Variants in TPO observed in about 807,000 individuals in gnomAD.
TPO encodes the protein thyroid peroxidase, also known as thyroid microsomal antigen.
TPO carries 78 observed loss-of-function variants against 96.9 expected under a neutral mutation model. The ratio of observed to expected loss-of-function variants is 0.81; its 90% CI spans 0.67 to 0.97. TPO has a LOEUF of 0.97. Ranked by LOEUF, TPO falls within the 50% of genes least tolerant of loss-of-function variation. The probability of loss-of-function intolerance (pLI) is 0.00; values close to 1 mark genes in which losing one functional copy is unlikely to be tolerated. For missense variants in TPO, 1,252 were observed against 1,274.8 expected (o/e 0.98, Z 0.27); for synonymous variants, 547 against 538.0 (o/e 1.02, Z -0.23).
intron 5 of TPO, among the ~76,000 whole-genome samples, chr2:1,440,982 A>G (rs1167986648): frequency 3.4e-5 from 5 of 147,920 alleles, no homozygotes; most frequent in African/African-American, 1.3e-4. Context: ...TTGGAAGGGA[A>G]TAGGGCAGGG....
intron 16 of TPO, chr2:1,541,598 C>T (rs1348811401): frequency 6.6e-6 from 1 of 152,252 alleles, no homozygotes; most frequent in Admixed American, 6.5e-5. Context: ...CCCAAGAGAT[C>T]CTCCAGTCTG....
chr2:1,420,983 G>A (rs976052728), intron 2 of TPO, among the ~76,000 whole-genome samples: 9 of 152,020 alleles, frequency 5.9e-5, no homozygotes, highest in Admixed American at 4.6e-4. Context: ...AACAGAGGAG[G>A]ATGGCGTGAC....
chr2:1,403,320 G>C (rs1218739087), intron 1 of TPO, among the ~76,000 whole-genome samples: 8 of 152,164 alleles, frequency 5.3e-5, no homozygotes, highest in Admixed American at 5.2e-4. Flanking sequence ...GCTTGGGTCA[G>C]TCCCCTTGTC....
intron 14 of TPO, chr2:1,513,508 C>G (rs1020106941): frequency 2.0e-5 from 3 of 152,246 alleles, no homozygotes; most frequent in Non-Finnish European, 4.4e-5. Flanking sequence ...GGAGCTCACA[C>G]TCCCCTGGCC....
At chr2:1,532,648 AC>A (rs1185850278) in intron 15 of TPO, among the ~76,000 whole-genome samples, 6 of 40,080 alleles carry the variant, frequency 1.5e-4, no homozygotes, top group African/African-American at 7.0e-4. Context: ...ACCTCCCCAA[AC>A]CCCCCCAACT....
chr2:1,438,807 G>A (rs1192022262), intron 5 of TPO: 7 of 700,424 alleles, frequency 1.0e-5, no homozygotes, highest in Admixed American at 6.5e-5. Flanking sequence ...GCAAATGCCT[G>A]GATTAAAGAA....
intron 3 of TPO, among the ~76,000 whole-genome samples, chr2:1,433,119 G>A (rs1665192033): frequency 6.6e-6 from 1 of 152,092 alleles, no homozygotes; most frequent in African/African-American, 2.4e-5. Flanking sequence ...TCATATCTTG[G>A]TTTGGATGTG....
At chr2:1,453,612 G>A in intron 5 of TPO, 82 bp from the exon 6 acceptor site, 1 of 1,609,204 alleles carries the variant, frequency 6.2e-7, no homozygotes, top group Non-Finnish European at 8.5e-7. Flanking sequence ...TTCTCCCTGA[G>A]AATGGTGTCT....
rs552826005 is a variant in TPO at position 1,516,467 on chromosome 2, C to T, written c.2519-416C>T. Reference sequence around the variant, plus strand: ...GGCAAAACCTCACAGCGTTATACCGCGTCCCTTACAGCCCACCTTGCGAAC... The same window carrying T: ...GGCAAAACCTCACAGCGTTATACCGTGTCCCTTACAGCCCACCTTGCGAAC... On this transcript the variant is annotated intron_variant, in intron 14 of 16. Transcript: ENST00000329066. 4.6e-5 allele frequency among the ~76,000 whole-genome samples: 7 copies of T among 152,324 alleles called. No individual in the cohort carries two copies. In the East Asian group the frequency reaches 1.4e-3, roughly 30 times the overall value.
At chr2:1,476,940 G>A in intron 7 of TPO, 146 bp from the exon 8 acceptor site, 1 of 1,063,754 alleles carries the variant, frequency 9.4e-7, no homozygotes, top group Non-Finnish European at 1.3e-6. Flanking sequence ...GGGAGGTGAG[G>A]GGACTGGCTG....
At position 1,542,665 on chromosome 2, in the gene TPO, C is replaced by T; in HGVS notation, c.*191C>T. 1 of 1,505,818 alleles carries T rather than the reference C, an allele frequency of 6.6e-7. No homozygotes were observed. Among genetic ancestry groups the T allele is most frequent in the Non-Finnish European group, 9.0e-7 (1 of 1,112,156 alleles). The allele number at this position is 1,505,818 out of a possible 1,614,324, so 93.3% of individuals were successfully genotyped here. On this transcript the variant is annotated 3_prime_UTR_variant, in exon 17 of 17. Coordinates refer to ENST00000329066, the MANE Select transcript of TPO (RefSeq NM_001206744.2). ...TATAGCTGCATTTGTCTGGCCTTTT[C>T]TTGTAAACATTGCCTGATTTGTTCC...
At chr2:1,415,552 G>T (rs1283798882) in intron 2 of TPO, among the ~76,000 whole-genome samples, 1 of 148,750 alleles carries the variant, frequency 6.7e-6, no homozygotes, top group East Asian at 2.0e-4. Context: ...TGCCGGGCAG[G>T]TCCCTGGGTC....
intron 10 of TPO, among the ~76,000 whole-genome samples, chr2:1,489,068 CACATGCCCAGCACATACCT>C (rs1465238672): frequency 2.0e-4 from 31 of 151,812 alleles, no homozygotes; most frequent in Non-Finnish European, 2.6e-4. Flanking sequence ...ACATGCCCGG[CACATGCCCAGCACATACCT>C]GCACATGCCT....
intron 3 of TPO, among the ~76,000 whole-genome samples, chr2:1,428,980 T>A (rs1664711541): frequency 6.6e-6 from 1 of 152,156 alleles, no homozygotes; most frequent in East Asian, 1.9e-4. Context: ...AGCTATAATC[T>A]CAGTGTCCTC....
At chr2:1,519,263 A>G (rs555611023) in intron 15 of TPO, among the ~76,000 whole-genome samples, 1 of 152,340 alleles carries the variant, frequency 6.6e-6, no homozygotes, top group South Asian at 2.1e-4. Context: ...GTCCATTTTC[A>G]GTGTAGCATG....
At chr2:1,414,029 G>A (rs1662619544) in intron 1 of TPO, among the ~76,000 whole-genome samples, 1 of 152,002 alleles carries the variant, frequency 6.6e-6, no homozygotes, top group Admixed American at 6.6e-5. Context: ...CTCACTTTTT[G>A]CCACATAGAT....
At chr2:1,503,883 G>T (rs902301769) in intron 13 of TPO, 65 bp from the exon 14 acceptor site, 28 of 1,613,382 alleles carry the variant, frequency 1.7e-5, no homozygotes, top group South Asian at 2.2e-5. Context: ...CAGAACGGGG[G>T]TCGCTCGCGG....
At chr2:1,375,247 G>T in intron 1 of TPO, among the ~76,000 whole-genome samples, 1 of 152,110 alleles carries the variant, frequency 6.6e-6, no homozygotes, top group East Asian at 1.9e-4. Flanking sequence ...ACCTACACTG[G>T]CATAGGAAAC....
At chr2:1,534,026 C>T (rs1264305522) in intron 15 of TPO, among the ~76,000 whole-genome samples, 1 of 80,982 alleles carries the variant, frequency 1.2e-5, no homozygotes, top group East Asian at 5.8e-4. Flanking sequence ...CCCCCCCAAT[C>T]TGTGCAACCT....
Sources: gnomAD v4.1 joint callset for allele counts (sites outside exome capture counted in the v4.1 genomes callset) on GRCh38, gnomAD v4.1.1 for gene constraint, MANE v1.5 for transcripts, NCBI Gene and HGNC (gene_info 2026-07-23, HGNC 2026-07-21) for gene names.